THADA: variants seen among roughly 807,000 people sequenced by gnomAD.
The protein encoded by THADA is tRNA (32-2'-O)-methyltransferase regulator THADA.
THADA carries 213 observed loss-of-function variants against 219.8 expected under a neutral mutation model. That is an observed-to-expected ratio of 0.97 (90% confidence interval 0.87 to 1.09). THADA has a LOEUF of 1.09. THADA is among the 50% of genes least tolerant of loss of function. THADA has a pLI of 0.00. For synonymous variants in THADA, 1,018 were observed against 828.9 expected (o/e 1.23, Z -3.92); for missense variants, 2,956 against 2,311.3 (o/e 1.28, Z -5.72).
chr2:43,374,444 A>C (rs980072473), intron 29 of THADA, among the ~76,000 whole-genome samples: 1 of 152,232 alleles, frequency 6.6e-6, no homozygotes, highest in African/African-American at 2.4e-5. Context: ...ATGTAAGTGC[A>C]TCTAAGTGTT....
chr2:43,336,575 A>G (rs1209579035), intron 30 of THADA, among the ~76,000 whole-genome samples: 5 of 146,722 alleles, frequency 3.4e-5, no homozygotes, highest in African/African-American at 5.0e-5. Flanking sequence ...CTCGTCCCCA[A>G]TTTTTTTTTT....
chr2:43,253,331 T>C (rs933637197), intron 36 of THADA, among the ~76,000 whole-genome samples: 13 of 151,908 alleles, frequency 8.6e-5, no homozygotes, highest in African/African-American at 2.9e-4. Flanking sequence ...TGAGTTTGAA[T>C]TGGGGAGGAT....
chr2:43,385,227 G>GA lies in THADA; in HGVS notation c.4227+12743dup, dbSNP rs560727317. 5.9e-5 allele frequency among the ~76,000 whole-genome samples: 9 copies of GA among 152,216 alleles called. No homozygotes were observed. In the South Asian group the frequency reaches 1.2e-3, roughly 21 times the overall value. On this transcript the variant is annotated intron_variant, in intron 29 of 37. Transcript: ENST00000405975. The stretch of plus-strand genomic sequence containing the variant: ...GGACAAGTAAATGTCTCACATATTT[G>GA]AAAAAATCAGTTATAAAGCAGGAAA...
rs1699640659 is a variant in THADA at position 43,574,535 on chromosome 2, T to G, written c.1530A>C (p.Lys510Asn). The G allele has an allele frequency of 5.0e-6, 8 of 1,614,016 alleles. No homozygotes were observed. Among genetic ancestry groups the G allele is most frequent in the Non-Finnish European group, 6.8e-6 (8 of 1,179,900 alleles). Residue 510 changes from lysine to asparagine, a missense_variant, in exon 11 of 38, where the codon AAA (lysine) becomes AAC (asparagine). Lys to Asn is a moderately conservative substitution (Grantham distance 94). Coordinates refer to ENST00000405975, the MANE Select transcript of THADA (RefSeq NM_022065.5). ...TCCAAGAACTCTCAGCAGTCTGGGA[T>G]TTCAAATGACTCTTATGATTTCTAA... is the stretch of plus-strand genomic sequence containing the variant. ...TMFRNHKSHL[K>N]SQTAESSWID...
chr2:43,345,534 T>C (rs938295091), intron 29 of THADA, among the ~76,000 whole-genome samples: 18 of 152,232 alleles, frequency 1.2e-4, no homozygotes, highest in African/African-American at 4.1e-4. Context: ...TCAAATGTCA[T>C]GCCTTCACCA....
chr2:43,462,523 T>C (rs570201014), intron 26 of THADA, among the ~76,000 whole-genome samples: 1 of 152,324 alleles, frequency 6.6e-6, no homozygotes, highest in South Asian at 2.1e-4. Context: ...ACCTCTAATA[T>C]GTTCAAACAT....
chr2:43,567,733 T>G (rs978797799), intron 14 of THADA, among the ~76,000 whole-genome samples: 5 of 152,240 alleles, frequency 3.3e-5, no homozygotes, highest in African/African-American at 1.2e-4. Flanking sequence ...CCACAATATA[T>G]GCAGGGACCA....
intron 3 of THADA, among the ~76,000 whole-genome samples, chr2:43,591,723 T>C (rs1427443051): frequency 6.6e-6 from 1 of 152,224 alleles, no homozygotes; most frequent in East Asian, 1.9e-4. Context: ...CACATTATCT[T>C]CTACCTTATC....
Position 43,578,564 on chromosome 2 carries a change from A to G in THADA, c.765T>C (p.Ile255=), listed in dbSNP as rs371117766. ...QTVQSTSGLA[I]ILFIKTMFHP... is the part of the protein sequence containing the mutation. ...GAAACATAGTCTTAATAAAAAGAATAATAGCTAATCCAGATGTGCTCTGTA... is the reference window on the plus strand; with the variant it reads ...GAAACATAGTCTTAATAAAAAGAATGATAGCTAATCCAGATGTGCTCTGTA... The change falls in exon 9 of 38, where the codon ATT becomes ATC. Residue 255 remains isoleucine (I), a synonymous_variant. Transcript: ENST00000405975. 6.2e-7 allele frequency: 1 copy of G among 1,612,992 alleles called. No individual in the cohort carries two copies. Among genetic ancestry groups the G allele is most frequent in the Non-Finnish European group, 8.5e-7 (1 of 1,179,246 alleles).
chr2:43,538,429 C>T (rs993088203), intron 21 of THADA: 2 of 152,186 alleles, frequency 1.3e-5, no homozygotes, highest in African/African-American at 4.8e-5. Context: ...TCAGACATGC[C>T]TCTGAATGAA....
chr2:43,238,733 A>G (rs909394044), intron 36 of THADA, among the ~76,000 whole-genome samples: 1 of 152,224 alleles, frequency 6.6e-6, no homozygotes, highest in Non-Finnish European at 1.5e-5. Flanking sequence ...TAATAAATGG[A>G]TAAATAAAAT....
chr2:43,532,121 T>C lies in THADA; in HGVS notation c.3265-4133A>G, dbSNP rs562685340. Among the ~76,000 whole-genome samples the C allele has an allele frequency of 2.0e-5, 3 of 151,184 alleles. No homozygotes were observed. In the East Asian group the frequency reaches 5.8e-4, roughly 29 times the overall value. On this transcript the variant is annotated intron_variant, in intron 21 of 37. Transcript: ENST00000405975. ...GAAGAAATGAAAAGTGTAAAAAAAATATGAAAGAGGCCAGGCACGGTGGCT... is the reference window on the plus strand; with the variant it reads ...GAAGAAATGAAAAGTGTAAAAAAAACATGAAAGAGGCCAGGCACGGTGGCT...
chr2:43,571,701 T>C lies in THADA; in HGVS notation c.2064+6A>G, dbSNP rs779875845. On this transcript the variant is annotated splice_donor_region_variant and intron_variant, in intron 13 of 37. Transcript: ENST00000405975. Reference sequence around the variant, plus strand: ...CTTCCCTATGCCTTCTGATGGGAAATTCTACCTTTTTAAGAAGAGAACAGA... The same window carrying C: ...CTTCCCTATGCCTTCTGATGGGAAACTCTACCTTTTTAAGAAGAGAACAGA... 3.7e-6 allele frequency: 6 copies of C among 1,604,148 alleles called. No homozygotes were observed. Among genetic ancestry groups the C allele is most frequent in the Non-Finnish European group, 5.1e-6 (6 of 1,175,364 alleles).
intron 35 of THADA, among the ~76,000 whole-genome samples, chr2:43,282,022 G>A (rs13408364): frequency 0.12 from 18,774 of 152,006 alleles, 1,243 homozygotes; most frequent in African/African-American, 0.16. Flanking sequence ...TTCCTGCCTC[G>A]TCCTCCCAAA....
intron 36 of THADA, among the ~76,000 whole-genome samples, chr2:43,248,250 G>C (rs1482964807): frequency 6.9e-6 from 1 of 145,418 alleles, no homozygotes; most frequent in African/African-American, 2.5e-5. Flanking sequence ...GAGAGAGAGA[G>C]ACGGAGTCTC....
chr2:43,534,534 G>C (rs994570366), intron 21 of THADA, among the ~76,000 whole-genome samples: 3 of 151,962 alleles, frequency 2.0e-5, no homozygotes. Context: ...TTTACTTCGA[G>C]TTCAACTTCC....
chr2:43,294,083 G>C (rs532649567), intron 31 of THADA, among the ~76,000 whole-genome samples: 2 of 152,146 alleles, frequency 1.3e-5, no homozygotes, highest in African/African-American at 2.4e-5. Flanking sequence ...CAGTACTTAA[G>C]CCAAGATGTG....
intron 29 of THADA, among the ~76,000 whole-genome samples, chr2:43,351,848 C>T (rs1343984688): frequency 6.6e-6 from 1 of 152,194 alleles, no homozygotes; most frequent in African/African-American, 2.4e-5. Flanking sequence ...TAATCTCTCA[C>T]CTATTGTTCT....
Position 43,586,592 on chromosome 2 carries a change from TA to T in THADA, c.484+109del, listed in dbSNP as rs1219514607. The stretch of plus-strand genomic sequence containing the variant: ...TTAAAAGGAAGGGTCATGATGTACC[TA>T]AGTTATCTACAATGCTCTACCTATT... On this transcript the variant is annotated intron_variant, in intron 6 of 37. Transcript: ENST00000405975. 19 of 1,355,734 alleles carry T rather than the reference TA, an allele frequency of 1.4e-5. No homozygotes were observed. The African/African-American group carries it at 2.8e-4, about 20-fold the overall frequency. 84.0% of individuals were successfully genotyped at this position (1,355,734 alleles called of 1,614,324 possible). A position where few individuals can be genotyped will look rare whatever the true frequency, so the allele number is the denominator to read the frequency against.
Sources: allele counts gnomAD v4.1 joint callset (sites outside exome capture counted in the v4.1 genomes callset), GRCh38; gene constraint gnomAD v4.1.1; transcripts MANE v1.5; gene names NCBI Gene and HGNC (gene_info 2026-07-23, HGNC 2026-07-21).